Variants in ADCY3 observed in about 807,000 individuals in gnomAD.
ADCY3 encodes the protein adenylate cyclase type 3.
Under a neutral mutation model 119.4 loss-of-function variants are expected in ADCY3, and 70 were observed. The observed-to-expected ratio is 0.59, with a 90% CI of 0.48 to 0.72. ADCY3 has a LOEUF of 0.72. Among genes scored for constraint, ADCY3 ranks in the 30% least tolerant of loss-of-function variants. The pLI is 0.00. For synonymous variants in ADCY3, 672 were observed against 621.4 expected (o/e 1.08, Z -1.21); for missense variants, 1,238 against 1,541.6 (o/e 0.80, Z 3.30).
intron 6 of ADCY3, among the ~76,000 whole-genome samples, chr2:24,840,786 C>A (rs1280192592): frequency 6.6e-6 from 1 of 152,180 alleles, no homozygotes; most frequent in Middle Eastern, 3.2e-3. Flanking sequence ...CAGCCTAAGG[C>A]TGGAGCACAG....
intron 11 of ADCY3, chr2:24,832,093 G>C (rs114216069): frequency 0.019 from 4,944 of 258,836 alleles, 254 homozygotes; most frequent in African/African-American, 0.11. Context: ...GCCGGGGGCA[G>C]GGGACGGGGA....
chr2:24,826,279 C>CG (rs1558406115), intron 15 of ADCY3, 153 bp from the exon 16 acceptor site: 5 of 651,012 alleles, frequency 7.7e-6, no homozygotes, highest in Non-Finnish European at 2.7e-6. Context: ...CGGGCTCCCC[C>CG]GGGCAGTAAA....
At chr2:24,884,471 C>CCT (rs1676776796) in intron 2 of ADCY3, among the ~76,000 whole-genome samples, 15 of 97,858 alleles carry the variant, frequency 1.5e-4, no homozygotes, top group Non-Finnish European at 2.5e-4. Context: ...TTCTAATAAT[C>CCT]TTTTTTTTTT....
In ADCY3 at chr2:24,870,269, C is replaced by T. The variant is rs536901272; in HGVS notation, c.825+2301G>A. On this transcript the variant is annotated intron_variant, in intron 3 of 21. Transcript: ENST00000679454. ...CCGGGAGACGGAGGTTGCAGTGAGC[C>T]GAGATTGTGCCACTGCACTCTAGCC... 6.4e-4 allele frequency among the ~76,000 whole-genome samples: 91 copies of T among 143,048 alleles called. 1 individual carries two copies. The highest frequency in any genetic ancestry group is 9.8e-4 in the Non-Finnish European group (66 of 67,048). The allele number at this position is 143,048 out of a possible 152,430, so 93.8% of individuals were successfully genotyped here.
In ADCY3 at chr2:24,834,622, G is replaced by A; in HGVS notation, c.1830C>T (p.Leu610=). ...AQVVKKRNTF[L]LSMRFMDPEM... ...CGGGGTCCATGAACCGCATGGACAA[G>A]AGGAAGGTGTTTCTCTTCTTTACTC... is the stretch of plus-strand genomic sequence containing the variant. The change falls in exon 11 of 22, where the codon CTC becomes CTT. Residue 610 remains leucine, a synonymous_variant. Transcript: ENST00000679454. This position sits in a 1 kb window ranked among gnomAD's most constrained non-coding sequence, Gnocchi z 4.2. 6.2e-7 allele frequency: 1 copy of A among 1,614,170 alleles called. No individual in the cohort carries two copies. The highest frequency in any genetic ancestry group is 1.6e-4 in the Middle Eastern group (1 of 6,062).
chr2:24,910,646 C>A (rs993334358), intron 2 of ADCY3, among the ~76,000 whole-genome samples: 4 of 148,316 alleles, frequency 2.7e-5, no homozygotes, highest in Non-Finnish European at 5.9e-5. Context: ...TTTAATATTT[C>A]CTTTCTTTTC....
Position 24,841,043 on chromosome 2 carries a change from C to A in ADCY3, c.1196+216G>T, listed in dbSNP as rs1670937641. Among the ~76,000 whole-genome samples the A allele has an allele frequency of 1.3e-5, 2 of 152,232 alleles. No individual in the cohort carries two copies. The highest frequency in any genetic ancestry group is 1.5e-5 in the Non-Finnish European group (1 of 68,034). On this transcript the variant is annotated intron_variant, in intron 6 of 21. Coordinates refer to ENST00000679454, the MANE Select transcript of ADCY3 (RefSeq NM_004036.5). This position sits in a 1 kb window ranked among gnomAD's most constrained non-coding sequence, Gnocchi z 5.8. Reference sequence around the variant, plus strand: ...AAGTGTGCCCCACAGGCTGGGGGAGCCTCGCAGGTCCCCTGGGCTGTGAGG... The same window carrying A: ...AAGTGTGCCCCACAGGCTGGGGGAGACTCGCAGGTCCCCTGGGCTGTGAGG...
intron 2 of ADCY3, among the ~76,000 whole-genome samples, chr2:24,914,413 C>A (rs1271916399): frequency 1.3e-5 from 2 of 152,218 alleles, no homozygotes; most frequent in Admixed American, 6.5e-5. Flanking sequence ...CGGCTCACAC[C>A]TGTAATCCCA....
At chr2:24,825,180 A>G (rs1238978667) in intron 16 of ADCY3, among the ~76,000 whole-genome samples, 1 of 152,082 alleles carries the variant, frequency 6.6e-6, no homozygotes, top group Non-Finnish European at 1.5e-5. Flanking sequence ...AGCAGGCGCC[A>G]TTTGGGTAAG....
intron 2 of ADCY3, among the ~76,000 whole-genome samples, chr2:24,877,626 A>C (rs1675879339): frequency 6.6e-6 from 1 of 152,224 alleles, no homozygotes; most frequent in African/African-American, 2.4e-5. Context: ...TGAGCATTAA[A>C]GAAAGATGGG....
intron 16 of ADCY3, 41 bp downstream of exon 16, chr2:24,826,004 G>C (rs761626739): frequency 6.3e-7 from 1 of 1,586,668 alleles, no homozygotes; most frequent in South Asian, 1.1e-5. Flanking sequence ...AGGCCCTGTG[G>C]GCTGTGGGCA....
At chr2:24,854,914 G>A (rs1015045388) in intron 3 of ADCY3, among the ~76,000 whole-genome samples, 10 of 152,126 alleles carry the variant, frequency 6.6e-5, no homozygotes, top group Non-Finnish European at 1.3e-4. Context: ...GCAGGGCTTC[G>A]TGGCGGGCAC....
chr2:24,906,899 G>A (rs1384149637), intron 2 of ADCY3, among the ~76,000 whole-genome samples: 1 of 152,184 alleles, frequency 6.6e-6, no homozygotes, highest in Non-Finnish European at 1.5e-5. Context: ...GGGAGGCAGA[G>A]GCAGGTGGAT....
At chr2:24,856,836 A>G (rs1673054411) in intron 3 of ADCY3, among the ~76,000 whole-genome samples, 2 of 152,224 alleles carry the variant, frequency 1.3e-5, no homozygotes, top group Non-Finnish European at 2.9e-5. Context: ...CAATGGTCAC[A>G]CGTGGGAGAG....
In ADCY3 at chr2:24,841,332, C is replaced by A; in HGVS notation, c.1123G>T (p.Gly375Cys). ...ILGDCYYCIC[G>C]LPDYREDHAV... ...TGGTCCTCCCGGTAGTCGGGCAAGC[C>A]GCAGATGCAGTAGTAGCAGTCGCCC... Residue 375 changes from glycine to cysteine, a missense_variant, in exon 6 of 22, where the codon GGC (glycine) becomes TGC (cysteine). Physicochemically the swap from Gly to Cys is radical, Grantham distance 159 (BLOSUM62 -3). This residue lies in a region of ADCY3 where 283 missense variants were observed against 437.2 expected (regional missense o/e 0.65). Coordinates refer to ENST00000679454, the MANE Select transcript of ADCY3 (RefSeq NM_004036.5). The surrounding 1 kb of genome is among the most constrained non-coding windows in gnomAD (Gnocchi z 5.8). 1 of 1,598,744 alleles carries A rather than the reference C, an allele frequency of 6.3e-7. No individual in the cohort carries two copies. Among genetic ancestry groups the A allele is most frequent in the East Asian group, 2.3e-5 (1 of 44,392 alleles).
In ADCY3 at chr2:24,895,853, T is replaced by G. The variant is rs559686230; in HGVS notation, c.675+22460A>C. Among the ~76,000 whole-genome samples the G allele has an allele frequency of 2.6e-5, 4 of 152,316 alleles. No individual in the cohort carries two copies. The South Asian group carries it at 8.3e-4, about 32-fold the overall frequency. On this transcript the variant is annotated intron_variant, in intron 2 of 21. Transcript: ENST00000679454. Reference sequence around the variant, plus strand: ...ATTGCCCAGGGTGGAATATTTTATCTTTATGTGCTTAATTTTAGATAGTTT... The same window carrying G: ...ATTGCCCAGGGTGGAATATTTTATCGTTATGTGCTTAATTTTAGATAGTTT...
intron 3 of ADCY3, among the ~76,000 whole-genome samples, chr2:24,850,488 G>A (rs956470773): frequency 2.0e-5 from 3 of 152,174 alleles, no homozygotes; most frequent in African/African-American, 4.8e-5. Flanking sequence ...GCCACCCATA[G>A]CAGCCTAGGA....
intron 2 of ADCY3, among the ~76,000 whole-genome samples, chr2:24,886,543 C>A (rs1677052859): frequency 6.6e-6 from 1 of 152,238 alleles, no homozygotes; most frequent in Non-Finnish European, 1.5e-5. Flanking sequence ...CCAGTCACCT[C>A]ACTCTGCCCT....
intron 2 of ADCY3, among the ~76,000 whole-genome samples, chr2:24,880,159 AAGAGATGTTCAAAGTCTAC>A (rs1056675013): frequency 3.9e-5 from 6 of 152,180 alleles, no homozygotes; most frequent in African/African-American, 1.4e-4. Flanking sequence ...TGCCTTTGGT[AAGAGATGTTCAAAGTCTAC>A]CCTCTTCCAA....
Sources: gnomAD v4.1 joint callset for allele counts (sites outside exome capture counted in the v4.1 genomes callset) on GRCh38, gnomAD v4.1.1 for gene constraint, gnomAD v4.1.1 regional missense constraint, Gnocchi (gnomAD v3.1) non-coding constraint, MANE v1.5 for transcripts, NCBI Gene and HGNC (gene_info 2026-07-23, HGNC 2026-07-21) for gene names.